ATPAF1: variants seen among roughly 807,000 people sequenced by gnomAD.
ATPAF1 encodes homolog of yeast ATP11.
Under a neutral mutation model 43.9 loss-of-function variants are expected in ATPAF1, and 26 were observed. That is an observed-to-expected ratio of 0.59 (90% CI 0.43 to 0.82). The LOEUF (loss-of-function observed/expected upper bound fraction) is 0.82, where lower values mean the gene tolerates loss of function less well. Among genes scored for constraint, ATPAF1 ranks in the 40% least tolerant of loss-of-function variants. ATPAF1 has a pLI of 0.00. For missense variants in ATPAF1, 366 were observed against 435.0 expected (o/e 0.84, Z 1.41); for synonymous variants, 157 against 168.0 (o/e 0.93, Z 0.50).
intron 1 of ATPAF1, among the ~76,000 whole-genome samples, chr1:46,667,856 G>T (rs1676517269): frequency 6.6e-6 from 1 of 152,186 alleles, no homozygotes; most frequent in Admixed American, 6.5e-5. Flanking sequence ...AACGAGCCAG[G>T]GCTTTGCAGA....
intron 4 of ATPAF1, 141 bp from the exon 5 acceptor site, chr1:46,654,008 C>G (rs562025604): frequency 1.6e-6 from 1 of 625,764 alleles, no homozygotes; most frequent in Non-Finnish European, 2.7e-6. Context: ...GCTTTCATTA[C>G]TAGCACATCA....
chr1:46,640,008 A>G (rs1313623885), intron 8 of ATPAF1, among the ~76,000 whole-genome samples: 1 of 152,050 alleles, frequency 6.6e-6, no homozygotes, highest in East Asian at 1.9e-4. Flanking sequence ...ATATAGTACA[A>G]TCTCTATATT....
downstream of ATPAF1, chr1:46,633,079 A>T (rs1313654861): frequency 6.5e-6 from 1 of 152,756 alleles, no homozygotes; most frequent in Admixed American, 6.5e-5. Context: ...TTTGGAGCAC[A>T]TATTAACAAG....
chr1:46,665,464 T>C (rs1676473821), intron 1 of ATPAF1, 100 bp from the exon 2 acceptor site: 4 of 1,346,964 alleles, frequency 3.0e-6, no homozygotes, highest in African/African-American at 2.9e-5. Flanking sequence ...GACACTGCCA[T>C]TCAGAGAGGT....
intron 2 of ATPAF1, among the ~76,000 whole-genome samples, chr1:46,662,571 C>T (rs1411686551): frequency 6.6e-6 from 1 of 151,744 alleles, no homozygotes; most frequent in Non-Finnish European, 1.5e-5. Flanking sequence ...GGATTACAGG[C>T]GCCTGCTACC....
chr1:46,640,229 T>C (rs1675925173), intron 8 of ATPAF1, among the ~76,000 whole-genome samples: 1 of 152,256 alleles, frequency 6.6e-6, no homozygotes. Context: ...AATAAATGAA[T>C]ATGGCTGTGT....
At chr1:46,649,831 T>G (rs1049377439) in intron 6 of ATPAF1, among the ~76,000 whole-genome samples, 21 of 151,672 alleles carry the variant, frequency 1.4e-4, no homozygotes, top group African/African-American at 4.1e-4. Flanking sequence ...AAGGCTGAGG[T>G]GGGGGTATTG....
At chr1:46,648,815 C>T (rs148655125) in intron 6 of ATPAF1, among the ~76,000 whole-genome samples, 1,976 of 151,940 alleles carry the variant, frequency 0.013, 37 homozygotes, top group African/African-American at 0.046. Context: ...CCTGTCTCTA[C>T]TAAAAACATA....
Position 46,642,535 on chromosome 1 carries a change from A to T in ATPAF1, c.792+659T>A, listed in dbSNP as rs147134610. Among the ~76,000 whole-genome samples the T allele has an allele frequency of 1.7e-3, 265 of 152,368 alleles. 2 individuals carry two copies. Among genetic ancestry groups the T allele is most frequent in the African/African-American group, 6.2e-3 (256 of 41,588 alleles). ...ACTATGAGCATATGGTCAATGCTCTATCTCAGTGATTCTCATCTAGGAGTG... is the reference window on the plus strand; with the variant it reads ...ACTATGAGCATATGGTCAATGCTCTTTCTCAGTGATTCTCATCTAGGAGTG... On this transcript the variant is annotated intron_variant, in intron 8 of 8. Transcript: ENST00000574428.
intron 3 of ATPAF1, 51 bp from the exon 4 acceptor site, chr1:46,658,240 A>AC: frequency 7.4e-7 from 1 of 1,357,940 alleles, no homozygotes; most frequent in Non-Finnish European, 1.0e-6. Context: ...AAAAAAAAAA[A>AC]ACAGCTTAAC....
At chr1:46,636,792 C>A (rs978630878) in intron 8 of ATPAF1, among the ~76,000 whole-genome samples, 9 of 151,982 alleles carry the variant, frequency 5.9e-5, no homozygotes, top group Admixed American at 3.9e-4. Flanking sequence ...TGCTATCAAG[C>A]CATAAAGGTT....
At chr1:46,647,220 TC>T (rs1225878253) in intron 6 of ATPAF1, among the ~76,000 whole-genome samples, 2 of 152,164 alleles carry the variant, frequency 1.3e-5, no homozygotes, top group Non-Finnish European at 2.9e-5. Flanking sequence ...ATGTATACTT[TC>T]CCCAAGATAT....
At chr1:46,648,989 T>A (rs778418611) in intron 6 of ATPAF1, among the ~76,000 whole-genome samples, 7 of 150,934 alleles carry the variant, frequency 4.6e-5, no homozygotes, top group East Asian at 2.0e-4. Flanking sequence ...AAAAAAAAAA[T>A]GGTCTCTGCT....
At chr1:46,635,578 T>C (rs1456482694) in exon 9 of ATPAF1, 3 of 559,494 alleles carry the variant, frequency 5.4e-6, no homozygotes, top group African/African-American at 3.7e-5. Context: ...CTGAGATAAT[T>C]ATCAGAATGT....
downstream of ATPAF1, chr1:46,634,026 C>A: frequency 2.8e-6 from 1 of 356,410 alleles, no homozygotes; most frequent in African/African-American, 2.1e-5. Flanking sequence ...AACAGCTCAA[C>A]CTTTAGAGAA....
intron 8 of ATPAF1, among the ~76,000 whole-genome samples, chr1:46,640,610 G>C (rs1675931992): frequency 6.6e-6 from 1 of 151,386 alleles, no homozygotes. Flanking sequence ...CTCCAGCCTG[G>C]CCAACACAGC....
chr1:46,640,667 G>A (rs1025403046), intron 8 of ATPAF1, among the ~76,000 whole-genome samples: 3 of 145,462 alleles, frequency 2.1e-5, no homozygotes, highest in South Asian at 4.4e-4. Flanking sequence ...AACAAAAAAA[G>A]AGTTTTTCCC....
In ATPAF1 at chr1:46,653,739, T is replaced by C. The variant is rs1676211972; in HGVS notation, c.540+78A>G. On this transcript the variant is annotated intron_variant, in intron 5 of 8. Coordinates refer to ENST00000574428, the Ensembl canonical transcript of ATPAF1. The surrounding 1 kb of genome is among the most constrained non-coding windows in gnomAD (Gnocchi z 4.8). ...CAAGAGGCAATAAACATAGGAAAAG[T>C]AAAGGCAACTGCCTGCTAAGGTTAG... 7.1e-7 allele frequency: 1 copy of C among 1,403,730 alleles called. No homozygotes were observed. The highest frequency in any genetic ancestry group is 9.9e-7 in the Non-Finnish European group (1 of 1,013,738). 87.0% of individuals were successfully genotyped at this position (1,403,730 alleles called of 1,614,324 possible).
Position 46,668,319 on chromosome 1 carries a change from C to T in ATPAF1, c.4G>A (p.Ala2Thr). The T allele has an allele frequency of 7.3e-7, 1 of 1,366,502 alleles. No individual in the cohort carries two copies. The highest frequency in any genetic ancestry group is 9.5e-7 in the Non-Finnish European group (1 of 1,055,460). 84.6% of individuals were successfully genotyped at this position (1,366,502 alleles called of 1,614,324 possible). Residue 2 changes from alanine (A) to threonine (T), a missense_variant, in exon 1 of 9, where the codon GCT becomes ACT. Ala to Thr is a moderately conservative substitution (Grantham distance 58). Transcript: ENST00000574428. The surrounding 1 kb of genome is among the most constrained non-coding windows in gnomAD (Gnocchi z 4.4). ...CCCGCAGCCGCCACCACCACAGCAG[C>T]CATGGCCGCCCCCGCCTCCTCCTCC...
Sources: gnomAD v4.1 joint callset for allele counts (sites outside exome capture counted in the v4.1 genomes callset) on GRCh38, gnomAD v4.1.1 for gene constraint, Gnocchi (gnomAD v3.1) non-coding constraint, MANE v1.5 for transcripts, NCBI Gene and HGNC (gene_info 2026-07-23, HGNC 2026-07-21) for gene names.